Variants in WDPCP observed in about 807,000 individuals in gnomAD.
The protein encoded by WDPCP is WD repeat-containing and planar cell polarity effector protein fritz homolog.
A neutral mutation model predicts 93.1 loss-of-function variants in WDPCP; 71 were observed. The observed-to-expected ratio is 0.76, with a 90% confidence interval of 0.63 to 0.93. The LOEUF (loss-of-function observed/expected upper bound fraction) is 0.93. Among genes scored for constraint, WDPCP ranks in the 40% least tolerant of loss-of-function variants. WDPCP has a pLI of 0.00. For missense variants in WDPCP, 844 were observed against 887.4 expected (o/e 0.95, Z 0.62); for synonymous variants, 315 against 315.0 (o/e 1.00, Z 0.00).
chr2:63,515,767 C>T (rs1404182162), intron 1 of WDPCP, among the ~76,000 whole-genome samples: 1 of 152,186 alleles, frequency 6.6e-6, no homozygotes, highest in African/African-American at 2.4e-5. Context: ...CGCCTATAAT[C>T]CCAGCACTTC....
chr2:63,768,464 T>C (rs1670179798), intron 2 of WDPCP, among the ~76,000 whole-genome samples: 1 of 152,056 alleles, frequency 6.6e-6, no homozygotes, highest in Non-Finnish European at 1.5e-5. Context: ...ATTGAATTTA[T>C]AGATGAAATT....
intron 12 of WDPCP, among the ~76,000 whole-genome samples, chr2:63,321,656 G>A (rs992177313): frequency 1.3e-5 from 2 of 152,082 alleles, no homozygotes; most frequent in African/African-American, 4.8e-5. Context: ...CAGCATTGTA[G>A]AGTGACTTTC....
chr2:63,625,302 T>G (rs553811953), intron 3 of WDPCP, among the ~76,000 whole-genome samples: 4 of 152,172 alleles, frequency 2.6e-5, no homozygotes, highest in Non-Finnish European at 5.9e-5. Context: ...ACCACTCCTA[T>G]TCAACATATT....
chr2:63,286,569 T>C (rs1472892387), intron 13 of WDPCP, among the ~76,000 whole-genome samples: 2 of 152,138 alleles, frequency 1.3e-5, no homozygotes, highest in Non-Finnish European at 2.9e-5. Context: ...TTGCTGACTC[T>C]CTTTTCGGAC....
intron 14 of WDPCP, among the ~76,000 whole-genome samples, chr2:63,193,912 T>C (rs1675225326): frequency 6.6e-6 from 1 of 152,168 alleles, no homozygotes; most frequent in East Asian, 1.9e-4. Flanking sequence ...ATGATACTGG[T>C]CATGATCCTT....
At chr2:63,793,410 C>T (rs1670570616) in intron 2 of WDPCP, among the ~76,000 whole-genome samples, 1 of 152,104 alleles carries the variant, frequency 6.6e-6, no homozygotes, top group African/African-American at 2.4e-5. Context: ...GAGTTCAAGA[C>T]CAACGTGAGC....
chr2:63,211,600 G>C (rs191771359), intron 14 of WDPCP, among the ~76,000 whole-genome samples: 6 of 152,314 alleles, frequency 3.9e-5, no homozygotes, highest in Admixed American at 3.3e-4. Context: ...ACAGAACAAA[G>C]CTGGATGGAG....
chr2:63,236,851 T>TA (rs1323442151), intron 14 of WDPCP, among the ~76,000 whole-genome samples: 1 of 152,104 alleles, frequency 6.6e-6, no homozygotes, highest in Non-Finnish European at 1.5e-5. Context: ...GACTTGAATG[T>TA]AAAACCTCAA....
chr2:63,462,578 G>A (rs1357075019), intron 6 of WDPCP, among the ~76,000 whole-genome samples: 4 of 152,068 alleles, frequency 2.6e-5, no homozygotes, highest in Non-Finnish European at 4.4e-5. Flanking sequence ...GGGCACACAC[G>A]GAATAGACAG....
chr2:63,726,170 T>C (rs1363856260), intron 2 of WDPCP, among the ~76,000 whole-genome samples: 3 of 152,232 alleles, frequency 2.0e-5, no homozygotes, highest in African/African-American at 7.2e-5. Flanking sequence ...CTAGGGTTTT[T>C]ATACTTTTAT....
At chr2:63,630,053 G>A (rs113603186) in intron 3 of WDPCP, among the ~76,000 whole-genome samples, 9 of 152,318 alleles carry the variant, frequency 5.9e-5, no homozygotes, top group Admixed American at 2.6e-4. Flanking sequence ...TTATGAACAT[G>A]CTTGGAACAA....
chr2:63,775,910 A>G (rs1471273188), intron 2 of WDPCP, among the ~76,000 whole-genome samples: 1 of 152,190 alleles, frequency 6.6e-6, no homozygotes, highest in Admixed American at 6.6e-5. Flanking sequence ...ATTAAAAAAT[A>G]AAAACAGGCC....
In WDPCP at chr2:63,155,521, CTTGA is replaced by C. The variant is rs1367170710; in HGVS notation, c.2079-1951_2079-1948del. Among the ~76,000 whole-genome samples, 8 of 151,920 alleles carry C rather than the reference CTTGA, an allele frequency of 5.3e-5. No homozygotes were observed. In the East Asian group the frequency reaches 1.5e-3, roughly 29 times the overall value. ...TGTCCTTTTACTAATACTGTAATTT[CTTGA>C]TTAGTTATAGCTTTGGGGATGGCAA... On this transcript the variant is annotated intron_variant, in intron 15 of 17. Coordinates refer to ENST00000272321, the MANE Select transcript of WDPCP (RefSeq NM_015910.7).
chr2:63,308,201 T>A (rs1685894707), intron 13 of WDPCP, among the ~76,000 whole-genome samples: 1 of 152,162 alleles, frequency 6.6e-6, no homozygotes, highest in African/African-American at 2.4e-5. Context: ...TGAGATACCA[T>A]CTCACGCCAG....
intron 2 of WDPCP, among the ~76,000 whole-genome samples, chr2:63,730,408 C>A (rs758685948): frequency 2.0e-5 from 3 of 152,060 alleles, no homozygotes; most frequent in East Asian, 1.9e-4. Context: ...AATGGTCAGG[C>A]CTTTATCAGG....
intron 1 of WDPCP, among the ~76,000 whole-genome samples, chr2:63,522,475 C>CACAT (rs1558750313): frequency 6.6e-6 from 1 of 151,238 alleles, no homozygotes; most frequent in East Asian, 1.9e-4. Flanking sequence ...CACACACACA[C>CACAT]ACACACACAC....
At chr2:63,130,456 T>G (rs57187732) in intron 17 of WDPCP, among the ~76,000 whole-genome samples, 24,989 of 152,034 alleles carry the variant, frequency 0.16, 2,271 homozygotes, top group Middle Eastern at 0.23. Context: ...CTCGATTCTG[T>G]TCCATGGTTC....
At chr2:63,526,008 T>A (rs1449392270) in intron 1 of WDPCP, among the ~76,000 whole-genome samples, 2 of 152,174 alleles carry the variant, frequency 1.3e-5, no homozygotes, top group Admixed American at 1.3e-4. Flanking sequence ...TATGTACGGC[T>A]TTTGAATTTC....
intron 13 of WDPCP, among the ~76,000 whole-genome samples, chr2:63,281,033 G>T (rs1049722913): frequency 7.2e-5 from 11 of 152,096 alleles, no homozygotes; most frequent in African/African-American, 2.7e-4. Context: ...AATCAGCAGA[G>T]TTAACAGACA....
Sources: allele counts gnomAD v4.1 joint callset (sites outside exome capture counted in the v4.1 genomes callset), GRCh38; gene constraint gnomAD v4.1.1; transcripts MANE v1.5; gene names NCBI Gene and HGNC (gene_info 2026-07-23, HGNC 2026-07-21).